The following LNX2 variants were observed in gnomAD, a reference collection of about 807,000 sequenced individuals.
LNX2 encodes the protein ligand of Numb protein X 2.
In LNX2, 35 loss-of-function variants were observed where a neutral mutation model predicts 66.2. That is an observed-to-expected ratio of 0.53 (90% CI 0.40 to 0.70). LNX2 has a LOEUF of 0.70. Ranked by LOEUF, LNX2 falls within the 30% of genes least tolerant of loss-of-function variation. LNX2 has a pLI of 0.00. For synonymous variants in LNX2, 337 were observed against 315.6 expected, an observed-to-expected ratio of 1.07 and a Z score of -0.72; for missense variants, 791 against 850.8, an observed-to-expected ratio of 0.93 and a Z score of 0.87.
chr13:27,559,848 T>C lies in LNX2; in HGVS notation c.1362A>G (p.Ser454=). The part of the protein sequence containing the change: ...TPPPYYSRPS[S]HKDLTQCVTC... ...AAAAAAAAAAAATCCTCACCTTATG[T>C]GAGCTTGGTCTGCTATAATACGGTG... Residue 454 remains serine (S), a synonymous_variant, in exon 6 of 10, where the codon TCA becomes TCG. Transcript: ENST00000316334. 2 of 1,550,614 alleles carry C rather than the reference T, an allele frequency of 1.3e-6. No homozygotes were observed. The highest frequency in any genetic ancestry group is 1.7e-6 in the Non-Finnish European group (2 of 1,146,580).
intron 4 of LNX2, among the ~76,000 whole-genome samples, chr13:27,565,257 A>G (rs2138349966): frequency 6.6e-6 from 1 of 152,366 alleles, no homozygotes; most frequent in East Asian, 1.9e-4. Flanking sequence ...GAAATGTATT[A>G]GTAAAAAAAC....
intron 1 of LNX2, among the ~76,000 whole-genome samples, chr13:27,611,241 T>C (rs914415991): frequency 2.0e-5 from 3 of 152,228 alleles, no homozygotes; most frequent in Admixed American, 6.5e-5. Flanking sequence ...ATGTGGTATA[T>C]GTATACAATG....
At chr13:27,591,617 T>C (rs948661764) in intron 1 of LNX2, among the ~76,000 whole-genome samples, 1 of 152,222 alleles carries the variant, frequency 6.6e-6, no homozygotes, top group Admixed American at 6.5e-5. Context: ...CGTCCATCCA[T>C]CTAGGATTTA....
Position 27,559,837 on chromosome 13 carries a change from C to A in LNX2, c.1368+5G>T. 6.7e-7 allele frequency: 1 copy of A among 1,499,580 alleles called. No individual in the cohort carries two copies. Among genetic ancestry groups the A allele is most frequent in the Non-Finnish European group, 8.9e-7 (1 of 1,120,616 alleles). The allele number at this position is 1,499,580 out of a possible 1,614,324, so 92.9% of individuals were successfully genotyped here. On this transcript the variant is annotated splice_donor_5th_base_variant and intron_variant, in intron 6 of 9. Transcript: ENST00000316334. ...GGTGGCATAAAAAAAAAAAAAAATC[C>A]TCACCTTATGTGAGCTTGGTCTGCT...
At chr13:27,571,484 T>C (rs1002774999) in intron 2 of LNX2, among the ~76,000 whole-genome samples, 1 of 152,112 alleles carries the variant, frequency 6.6e-6, no homozygotes, top group Admixed American at 6.5e-5. Context: ...CTCAAAACCG[T>C]GTATCGGGGA....
At chr13:27,549,888 A>C (rs963239281) in intron 9 of LNX2, among the ~76,000 whole-genome samples, 6 of 152,250 alleles carry the variant, frequency 3.9e-5, no homozygotes, top group Non-Finnish European at 7.3e-5. Context: ...GAGTCATCTA[A>C]TGACAGGACT....
intron 1 of LNX2, among the ~76,000 whole-genome samples, chr13:27,583,596 C>T (rs866530132): frequency 6.6e-6 from 1 of 152,186 alleles, no homozygotes; most frequent in Middle Eastern, 3.4e-3. Flanking sequence ...CAGGGTAGCG[C>T]GAGCCTAGCC....
intron 1 of LNX2, among the ~76,000 whole-genome samples, chr13:27,619,329 A>C (rs1955865032): frequency 6.6e-6 from 1 of 152,182 alleles, no homozygotes; most frequent in South Asian, 2.1e-4. Context: ...TTTTCTAAAG[A>C]GGTGTGGGGG....
chr13:27,598,612 T>A (rs1955624164), intron 1 of LNX2, among the ~76,000 whole-genome samples: 2 of 137,478 alleles, frequency 1.5e-5, no homozygotes, highest in Admixed American at 7.1e-5. Context: ...TATTCTCACA[T>A]TCCTCCCCAT....
At chr13:27,613,544 C>T (rs1009742810) in intron 1 of LNX2, among the ~76,000 whole-genome samples, 36 of 152,212 alleles carry the variant, frequency 2.4e-4, no homozygotes, top group Admixed American at 1.6e-3. Context: ...GGCCAAGACA[C>T]GCAAATCACC....
chr13:27,583,920 G>A (rs971379311), intron 1 of LNX2, among the ~76,000 whole-genome samples: 6 of 151,738 alleles, frequency 4.0e-5, no homozygotes, highest in Non-Finnish European at 5.9e-5. Flanking sequence ...ACTTTCAAAA[G>A]GGAAAAAAAA....
chr13:27,558,093 T>C (rs1196117173), intron 6 of LNX2, among the ~76,000 whole-genome samples: 1 of 152,124 alleles, frequency 6.6e-6, no homozygotes, highest in Non-Finnish European at 1.5e-5. Context: ...CATGAATGTT[T>C]ATCAGAACAG....
intron 2 of LNX2, among the ~76,000 whole-genome samples, chr13:27,577,934 T>C (rs1005416942): frequency 9.9e-5 from 15 of 152,234 alleles, no homozygotes; most frequent in African/African-American, 3.4e-4. Flanking sequence ...AAATGTTACA[T>C]ATTTAGTACA....
At position 27,546,684 on chromosome 13, in the gene LNX2, T is replaced by C. The variant is rs779594443; in HGVS notation, c.*1651A>G. On this transcript the variant is annotated 3_prime_UTR_variant, in exon 10 of 10. Transcript: ENST00000316334. ...TAAAGTGGTCATGCTTCATAATATA[T>C]TGTACTGTAGTATTCTGAAATACAT... 2 of 152,186 alleles carry C rather than the reference T, an allele frequency of 1.3e-5. No homozygotes were observed. Among genetic ancestry groups the C allele is most frequent in the African/African-American group, 2.4e-5 (1 of 41,462 alleles). The allele number at this position is 152,186 out of a possible 1,614,324, so 9.4% of individuals were successfully genotyped here. A position where few individuals can be genotyped will look rare whatever the true frequency, so the allele number is the denominator to read the frequency against.
intron 1 of LNX2, among the ~76,000 whole-genome samples, chr13:27,603,524 C>T (rs1351533517): frequency 2.0e-5 from 3 of 152,166 alleles, no homozygotes; most frequent in African/African-American, 7.2e-5. Flanking sequence ...ATAATCGATG[C>T]CATTATAGAA....
intron 1 of LNX2, among the ~76,000 whole-genome samples, chr13:27,590,946 C>T (rs1340630503): frequency 6.6e-6 from 1 of 152,040 alleles, no homozygotes; most frequent in Non-Finnish European, 1.5e-5. Flanking sequence ...CTACTTATAA[C>T]TTTATATATG....
rs958866764 is a variant in LNX2, at chr13:27,567,728, G to A, written c.767C>T (p.Pro256Leu). 1 of 1,613,912 alleles carries A rather than the reference G, an allele frequency of 6.2e-7. No homozygotes were observed. Among genetic ancestry groups the A allele is most frequent in the East Asian group, 2.2e-5 (1 of 44,872 alleles). ...CTCCTGGATGACAATGTTAATCAAA[G>A]GTGTTTCGTTGCCACCCACAATGCT... ...GISIVGGNET[P>L]LINIVIQEVY... The change falls in exon 4 of 10, where the codon CCT becomes CTT. Residue 256 changes from proline (P) to leucine (L), a missense_variant. Coordinates refer to ENST00000316334, the MANE Select transcript of LNX2 (RefSeq NM_153371.4).
At chr13:27,564,991 A>G (rs1200752415) in intron 4 of LNX2, among the ~76,000 whole-genome samples, 1 of 152,188 alleles carries the variant, frequency 6.6e-6, no homozygotes, top group African/African-American at 2.4e-5. Context: ...TGAATTCATT[A>G]ATCAGATTAT....
intron 8 of LNX2, among the ~76,000 whole-genome samples, chr13:27,552,336 C>G (rs995815436): frequency 6.6e-6 from 1 of 152,210 alleles, no homozygotes; most frequent in Non-Finnish European, 1.5e-5. Context: ...CCACTTCTCA[C>G]CCACTATGCG....
Sources: gnomAD v4.1 joint callset for allele counts (sites outside exome capture counted in the v4.1 genomes callset) on GRCh38, gnomAD v4.1.1 for gene constraint, MANE v1.5 for transcripts, NCBI Gene and HGNC (gene_info 2026-07-23, HGNC 2026-07-21) for gene names.